Variants in NALF2 observed in about 807,000 individuals in gnomAD.
NALF2 encodes the protein bB57D9.1 (TED protein).
Under a neutral mutation model 24.8 loss-of-function variants are expected in NALF2, and 1 was observed. The observed-to-expected ratio is 0.04, with a 90% CI of 0.01 to 0.19. The LOEUF (loss-of-function observed/expected upper bound fraction) is 0.19, where lower values mean the gene tolerates loss of function less well. Among genes scored for constraint, NALF2 ranks in the 10% least tolerant of loss-of-function variants. The pLI is 1.00. For synonymous variants in NALF2, 254 were observed against 189.8 expected (o/e 1.34, Z -2.78); for missense variants, 458 against 409.6 (o/e 1.12, Z -1.02).
In NALF2 at chrX:69,504,840, G is replaced by A. The variant is rs904244837; in HGVS notation, c.-443G>A. ...GCGGCGGGGCCCGCACGGCGGCGCTGAGGGGCGCAGAGCTGCGCCGAACCG... is the reference window on the plus strand; with the variant it reads ...GCGGCGGGGCCCGCACGGCGGCGCTAAGGGGCGCAGAGCTGCGCCGAACCG... On this transcript the variant is annotated 5_prime_UTR_variant, in exon 1 of 3. Transcript: ENST00000252338. Among the ~76,000 whole-genome samples, 7 of 108,614 alleles carry A rather than the reference G, an allele frequency of 6.4e-5. No homozygotes were observed. Among genetic ancestry groups the A allele is most frequent in the African/African-American group, 2.3e-4 (7 of 30,651 alleles). The allele number at this position is 108,614 out of a possible 115,157, so 94.3% of individuals were successfully genotyped here.
intron 1 of NALF2, among the ~76,000 whole-genome samples, chrX:69,523,727 G>A (rs960909695): frequency 1.8e-5 from 2 of 111,477 alleles, no homozygotes; most frequent in African/African-American, 6.5e-5. Flanking sequence ...CATCTCAAGG[G>A]TTCAGGATGG....
Position 69,505,726 on chromosome X carries a change from C to T in NALF2, c.444C>T (p.Thr148=), listed in dbSNP as rs753535740. The part of the protein sequence containing the change: ...PEPTGLDAAC[T]KLQSLQRLFE... ...CCACGGGGCTGGACGCAGCTTGCAC[C>T]AAATTGCAATCTTTGCAGAGACTTT... The change falls in exon 1 of 3, where the codon ACC becomes ACT. Residue 148 remains threonine (T), a synonymous_variant. Coordinates refer to ENST00000252338, the MANE Select transcript of NALF2 (RefSeq NM_015686.3). The T allele has an allele frequency of 3.0e-5, 36 of 1,209,548 alleles. No individual in the cohort carries two copies. The highest frequency in any genetic ancestry group is 3.8e-5 in the Non-Finnish European group (34 of 894,709).
chrX:69,521,671 A>G (rs893712617), intron 1 of NALF2, among the ~76,000 whole-genome samples: 2 of 112,488 alleles, frequency 1.8e-5, no homozygotes, highest in Non-Finnish European at 3.7e-5. Flanking sequence ...AGTGAAAAAC[A>G]GAACGGTTGT....
Position 69,529,568 on chromosome X carries a change from C to T in NALF2, c.1034-3C>T. On this transcript the variant is annotated splice_region_variant and splice_polypyrimidine_tract_variant and intron_variant, in intron 2 of 2. Transcript: ENST00000252338. ...CCACCACACCTTCCTTATCCATTGG[C>T]AGGGTTGCTGGATACTTCACCAAAG... 8.3e-7 allele frequency: 1 copy of T among 1,203,300 alleles called. No individual in the cohort carries two copies. The highest frequency in any genetic ancestry group is 1.1e-6 in the Non-Finnish European group (1 of 890,792).
chrX:69,509,042 G>T (rs1259030853), intron 1 of NALF2, among the ~76,000 whole-genome samples: 1 of 112,096 alleles, frequency 8.9e-6, no homozygotes, highest in Non-Finnish European at 1.9e-5. Context: ...GCCACACAGG[G>T]CCCCACGAAT....
intron 1 of NALF2, among the ~76,000 whole-genome samples, chrX:69,509,754 C>T (rs958018580): frequency 1.4e-4 from 16 of 112,044 alleles, no homozygotes; most frequent in African/African-American, 5.2e-4. Flanking sequence ...TGTCTGACTT[C>T]ACACCTCAGA....
intron 1 of NALF2, among the ~76,000 whole-genome samples, chrX:69,525,718 T>C (rs980847548): frequency 6.1e-4 from 66 of 108,674 alleles, no homozygotes; most frequent in African/African-American, 2.2e-3. Flanking sequence ...CTCACCCCAC[T>C]CTTAACCCTT....
intron 1 of NALF2, among the ~76,000 whole-genome samples, chrX:69,523,467 A>C (rs1930760592): frequency 8.9e-6 from 1 of 112,159 alleles, no homozygotes; most frequent in Non-Finnish European, 1.9e-5. Flanking sequence ...GACACCTCTC[A>C]TCTTGCCCCT....
intron 1 of NALF2, among the ~76,000 whole-genome samples, chrX:69,515,858 T>C (rs1930653917): frequency 8.9e-6 from 1 of 112,315 alleles, no homozygotes; most frequent in Admixed American, 9.4e-5. Flanking sequence ...CTTACTTAAT[T>C]CTTGCATCTT....
At chrX:69,512,670 C>T (rs1347653822) in intron 1 of NALF2, among the ~76,000 whole-genome samples, 2 of 111,947 alleles carry the variant, frequency 1.8e-5, no homozygotes, top group African/African-American at 3.3e-5. Context: ...ATCATGATTC[C>T]CATTTTACAC....
chrX:69,509,805 G>T (rs958777966), intron 1 of NALF2, among the ~76,000 whole-genome samples: 7 of 112,128 alleles, frequency 6.2e-5, no homozygotes, highest in African/African-American at 2.3e-4. Context: ...GACCTGCGTG[G>T]CCCCAAAGGG....
intron 1 of NALF2, among the ~76,000 whole-genome samples, chrX:69,523,006 G>A (rs756931716): frequency 1.8e-5 from 2 of 112,588 alleles, no homozygotes; most frequent in South Asian, 3.7e-4. Context: ...TGTGGACAGT[G>A]GATTTCATCC....
intron 1 of NALF2, among the ~76,000 whole-genome samples, chrX:69,509,899 C>T (rs972318145): frequency 6.2e-5 from 7 of 112,494 alleles, no homozygotes; most frequent in Non-Finnish European, 1.3e-4. Context: ...CGTCAACTCT[C>T]TGAGCCTCAC....
rs1261094498 is a variant in NALF2, at chrX:69,505,060, C to G, written c.-223C>G. 9.4e-6 allele frequency among the ~76,000 whole-genome samples: 1 copy of G among 106,029 alleles called. No individual in the cohort carries two copies. Among genetic ancestry groups the G allele is most frequent in the African/African-American group, 3.4e-5 (1 of 29,598 alleles). The allele number at this position is 106,029 out of a possible 115,157, so 92.1% of individuals were successfully genotyped here. ...AGCGGGCCGGGCGGCGGCGCCCGGG[C>G]TGAGAGCGACGGAGCGCGGGAGCGG... is the stretch of plus-strand genomic sequence containing the variant. On this transcript the variant is annotated 5_prime_UTR_variant, in exon 1 of 3. Coordinates refer to ENST00000252338, the MANE Select transcript of NALF2 (RefSeq NM_015686.3).
chrX:69,505,183 A>G lies in NALF2; in HGVS notation c.-100A>G. ...ATGCAGCCCCCGAGGTAGAGCCTGG[A>G]CGGCGCCGAGGAGCGCAGAGCGGCG... is the stretch of plus-strand genomic sequence containing the variant. On this transcript the variant is annotated 5_prime_UTR_variant, in exon 1 of 3. Coordinates refer to ENST00000252338, the MANE Select transcript of NALF2 (RefSeq NM_015686.3). The G allele has an allele frequency of 1.2e-6, 1 of 866,491 alleles. No individual in the cohort carries two copies. The highest frequency in any genetic ancestry group is 2.9e-5 in the South Asian group (1 of 34,445). 71.4% of individuals were successfully genotyped at this position (866,491 alleles called of 1,213,427 possible). A position where few individuals can be genotyped will look rare whatever the true frequency, so the allele number is the denominator to read the frequency against.
intron 1 of NALF2, among the ~76,000 whole-genome samples, chrX:69,526,886 T>G (rs997453807): frequency 8.9e-6 from 1 of 112,364 alleles, no homozygotes; most frequent in African/African-American, 3.2e-5. Flanking sequence ...AGCAAAGTTA[T>G]ACGAGGGCTA....
rs1289747511 is a variant in NALF2, at chrX:69,506,064, A to T, written c.782A>T (p.Tyr261Phe). The T allele has an allele frequency of 8.3e-7, 1 of 1,208,470 alleles. No individual in the cohort carries two copies. Among genetic ancestry groups the T allele is most frequent in the Non-Finnish European group, 1.1e-6 (1 of 894,242 alleles). Residue 261 changes from tyrosine to phenylalanine, a missense_variant, in exon 1 of 3, where the codon TAT becomes TTT. Transcript: ENST00000252338. Reference protein sequence around the residue: ...QRLDRHAQEKYDEFDLVLHKY... With the variant: ...QRLDRHAQEKFDEFDLVLHKY... ...CTGGACCGACACGCTCAGGAAAAAT[A>T]TGACGAGTTCGACCTCGTGCTGCAT...
intron 1 of NALF2, 59 bp downstream of exon 1, chrX:69,506,202 G>C: frequency 8.9e-7 from 1 of 1,127,952 alleles, no homozygotes; most frequent in Non-Finnish European, 1.2e-6. Flanking sequence ...CGGCCGCAGT[G>C]GGACCGGGAG....
At chrX:69,517,065 G>A (rs961336178) in intron 1 of NALF2, among the ~76,000 whole-genome samples, 1 of 111,255 alleles carries the variant, frequency 9.0e-6, no homozygotes. Context: ...GTAGTGAATT[G>A]AAGGGACCAT....
Sources: allele counts gnomAD v4.1 joint callset (sites outside exome capture counted in the v4.1 genomes callset), GRCh38; gene constraint gnomAD v4.1.1; transcripts MANE v1.5; gene names NCBI Gene and HGNC (gene_info 2026-07-23, HGNC 2026-07-21).